The following G3BP2 variants were observed in gnomAD, a reference collection of about 807,000 sequenced individuals.
The protein encoded by G3BP2 is ras GTPase-activating protein-binding protein 2.
In G3BP2, 11 loss-of-function variants were observed where a neutral mutation model predicts 56.7. The ratio of observed to expected loss-of-function variants is 0.19; its 90% CI spans 0.12 to 0.32. The LOEUF is 0.32. Ranked by LOEUF, G3BP2 falls within the 10% of genes least tolerant of loss-of-function variation. The pLI is 1.00. For missense variants in G3BP2, 340 were observed against 610.9 expected (o/e 0.56, Z 4.67); for synonymous variants, 165 against 191.6 (o/e 0.86, Z 1.15).
At chr4:75,685,607 A>T (rs1221570665) in intron 3 of G3BP2, among the ~76,000 whole-genome samples, 1 of 152,106 alleles carries the variant, frequency 6.6e-6, no homozygotes, top group Non-Finnish European at 1.5e-5. Context: ...GCAAGTTACT[A>T]AGTTCCCTCA....
chr4:75,659,491 A>G (rs1454596301), intron 2 of G3BP2, among the ~76,000 whole-genome samples: 1 of 152,206 alleles, frequency 6.6e-6, no homozygotes, highest in Non-Finnish European at 1.5e-5. Context: ...TACTGTTCTT[A>G]AGTATGTGTA....
At chr4:75,665,411 G>A (rs752563997) in intron 1 of G3BP2, among the ~76,000 whole-genome samples, 1 of 152,052 alleles carries the variant, frequency 6.6e-6, no homozygotes, top group Admixed American at 6.6e-5. Flanking sequence ...TCCCAATAAG[G>A]GTAACAACCC....
chr4:75,664,449 G>A (rs571205076), intron 1 of G3BP2, among the ~76,000 whole-genome samples: 2 of 151,742 alleles, frequency 1.3e-5, no homozygotes, highest in Admixed American at 1.3e-4. Context: ...GGTGGCTGGC[G>A]CCTGTAGTCC....
intron 3 of G3BP2, among the ~76,000 whole-genome samples, chr4:75,720,501 CAA>C (rs34007469): frequency 0.39 from 45,193 of 115,366 alleles, 8,599 homozygotes; most frequent in African/African-American, 0.6. Context: ...GACTCCGTCT[CAA>C]AAAAAAAAAA....
At chr4:75,691,270 G>A (rs898458044) in intron 3 of G3BP2, among the ~76,000 whole-genome samples, 11 of 152,056 alleles carry the variant, frequency 7.2e-5, no homozygotes, top group East Asian at 5.8e-4. Context: ...AGTAGAGACC[G>A]CATTTTGCCA....
At chr4:75,697,698 C>A (rs900001196) in intron 3 of G3BP2, among the ~76,000 whole-genome samples, 15 of 152,166 alleles carry the variant, frequency 9.9e-5, no homozygotes, top group Non-Finnish European at 1.9e-4. Flanking sequence ...CTTTGGGAGG[C>A]TGAGGTGGGC....
At chr4:75,660,025 G>T (rs1170381585) in intron 2 of G3BP2, among the ~76,000 whole-genome samples, 1 of 152,114 alleles carries the variant, frequency 6.6e-6, no homozygotes, top group Admixed American at 6.5e-5. Context: ...CATGTTTCAG[G>T]ATATTCATTA....
chr4:75,680,913 A>G (rs1414180170), intron 3 of G3BP2, among the ~76,000 whole-genome samples: 1 of 151,468 alleles, frequency 6.6e-6, no homozygotes, highest in Non-Finnish European at 1.5e-5. Flanking sequence ...GGTTGCAGTG[A>G]GCTGAGATCA....
intron 3 of G3BP2, among the ~76,000 whole-genome samples, chr4:75,706,399 C>A (rs1719546139): frequency 6.6e-6 from 1 of 152,166 alleles, no homozygotes; most frequent in African/African-American, 2.4e-5. Flanking sequence ...GTTATGGATT[C>A]TGGAGCTAGA....
upstream of G3BP2, among the ~76,000 whole-genome samples, chr4:75,675,652 C>T (rs1733848469): frequency 6.6e-6 from 1 of 152,132 alleles, no homozygotes. Flanking sequence ...ATTAGCCGGG[C>T]GTGGTGGCGC....
At chr4:75,695,781 C>T (rs1278061013) in intron 3 of G3BP2, among the ~76,000 whole-genome samples, 2 of 152,078 alleles carry the variant, frequency 1.3e-5, no homozygotes, top group Non-Finnish European at 2.9e-5. Context: ...TCAAGACCAA[C>T]CTGGCCAACA....
upstream of G3BP2, among the ~76,000 whole-genome samples, chr4:75,674,269 A>T (rs765423131): frequency 6.6e-6 from 1 of 152,202 alleles, no homozygotes; most frequent in Non-Finnish European, 1.5e-5. Context: ...AGGACTGAGG[A>T]AGTGTTCAAA....
upstream of G3BP2, chr4:75,673,573 C>T: frequency 8.1e-7 from 1 of 1,232,004 alleles, no homozygotes; most frequent in Non-Finnish European, 1.0e-6. Context: ...GCCGCGCTCG[C>T]ACACGCTCGC....
At chr4:75,675,287 C>A (rs1291200680), upstream of G3BP2, among the ~76,000 whole-genome samples, 1 of 152,190 alleles carries the variant, frequency 6.6e-6, no homozygotes, top group Non-Finnish European at 1.5e-5. Context: ...TATAAATATT[C>A]TTCACCATGT....
chr4:75,664,542 C>A (rs1033872785), intron 1 of G3BP2, among the ~76,000 whole-genome samples: 5 of 152,034 alleles, frequency 3.3e-5, no homozygotes, highest in African/African-American at 9.7e-5. Flanking sequence ...TGCCTCTGCA[C>A]TGCAGCCTGG....
At chr4:75,698,663 C>G (rs1418053854) in intron 3 of G3BP2, among the ~76,000 whole-genome samples, 1 of 152,080 alleles carries the variant, frequency 6.6e-6, no homozygotes, top group Non-Finnish European at 1.5e-5. Context: ...GAGGGAGGGA[C>G]TTCACCACAT....
intron 3 of G3BP2, among the ~76,000 whole-genome samples, chr4:75,718,545 A>T (rs777676912): frequency 6.6e-6 from 1 of 152,186 alleles, no homozygotes; most frequent in Non-Finnish European, 1.5e-5. Context: ...TATCCTGATA[A>T]ACATTCTCCT....
intron 3 of G3BP2, among the ~76,000 whole-genome samples, chr4:75,711,346 T>C (rs2149109207): frequency 6.6e-6 from 1 of 151,578 alleles, no homozygotes; most frequent in Admixed American, 6.6e-5. Context: ...AAGACTAATT[T>C]TCTTCCTACT....
At chr4:75,667,618 G>A (rs1048944242) in intron 1 of G3BP2, among the ~76,000 whole-genome samples, 2 of 152,116 alleles carry the variant, frequency 1.3e-5, no homozygotes, top group African/African-American at 2.4e-5. Context: ...AAGGCCAGGC[G>A]CAGTGGCTCA....
Sources: allele counts gnomAD v4.1 joint callset (sites outside exome capture counted in the v4.1 genomes callset), GRCh38; gene constraint gnomAD v4.1.1; transcripts MANE v1.5; gene names NCBI Gene and HGNC (gene_info 2026-07-23, HGNC 2026-07-21).